The following HECW2 variants were observed in gnomAD, a reference collection of about 807,000 sequenced individuals.
HECW2 encodes the protein HECT, C2 and WW domain containing E3 ubiquitin protein ligase 2, also known as E3 ubiquitin-protein ligase HECW2.
In HECW2, 61 loss-of-function variants were observed where a neutral mutation model predicts 175.2. The ratio of observed to expected loss-of-function variants is 0.35; its 90% CI spans 0.28 to 0.43. The LOEUF (loss-of-function observed/expected upper bound fraction) is 0.43, where lower values mean the gene tolerates loss of function less well. HECW2 is among the 20% of genes least tolerant of loss of function. The pLI is 1.00. For missense variants in HECW2, 1,524 were observed against 2,000.5 expected (o/e 0.76, Z 4.54); for synonymous variants, 671 against 731.0 (o/e 0.92, Z 1.32).
intron 10 of HECW2, among the ~76,000 whole-genome samples, chr2:196,313,706 T>C (rs1373553888): frequency 6.6e-6 from 1 of 151,850 alleles, no homozygotes; most frequent in Admixed American, 6.6e-5. Context: ...GAAAATATGA[T>C]GAAAAGGTGC....
At chr2:196,223,854 A>G (rs1331660672) in intron 23 of HECW2, among the ~76,000 whole-genome samples, 1 of 152,178 alleles carries the variant, frequency 6.6e-6, no homozygotes, top group Non-Finnish European at 1.5e-5. Flanking sequence ...AAGGTTGGAG[A>G]GAAGAAGATG....
intron 6 of HECW2, among the ~76,000 whole-genome samples, 197 bp downstream of exon 6, chr2:196,324,783 T>C (rs911977169): frequency 1.3e-5 from 2 of 152,204 alleles, no homozygotes; most frequent in South Asian, 2.1e-4. Context: ...ATTGTTCCCC[T>C]GATGTGACAG....
intron 1 of HECW2, chr2:196,586,724 A>G (rs1160443980): frequency 2.2e-5 from 3 of 137,662 alleles, no homozygotes; most frequent in African/African-American, 8.1e-5. Flanking sequence ...TTCCACTCTC[A>G]TGAATAATGG....
chr2:196,534,866 A>T (rs2125457047), intron 1 of HECW2, among the ~76,000 whole-genome samples: 1 of 152,252 alleles, frequency 6.6e-6, no homozygotes, highest in African/African-American at 2.4e-5. Flanking sequence ...CTGCAAGTCC[A>T]AGATACCAAA....
chr2:196,287,236 A>G (rs1434399193), intron 14 of HECW2, among the ~76,000 whole-genome samples: 2 of 152,244 alleles, frequency 1.3e-5, no homozygotes, highest in Non-Finnish European at 2.9e-5. Context: ...AAGCTTGGAC[A>G]TAGCAATGGA....
In HECW2 at chr2:196,319,029, T is replaced by C; in HGVS notation, c.1861A>G (p.Arg621Gly). 6.2e-7 allele frequency: 1 copy of C among 1,613,944 alleles called. No homozygotes were observed. The highest frequency in any genetic ancestry group is 8.5e-7 in the Non-Finnish European group (1 of 1,179,948). ...SSETEPSDPA[R>G]TESVSEASTR... ...CTGGCTTCGCTCACACTCTCTGTCC[T>C]GGCAGGATCACTGGGTTCTGTTTCA... The change falls in exon 9 of 29, where the codon AGG becomes GGG. Residue 621 changes from arginine to glycine, a missense_variant. Physicochemically the swap from Arg to Gly is moderately radical, Grantham distance 125. Coordinates refer to ENST00000644978, the MANE Select transcript of HECW2 (RefSeq NM_001348768.2).
chr2:196,347,465 A>G (rs574819057), intron 2 of HECW2, among the ~76,000 whole-genome samples: 1 of 151,920 alleles, frequency 6.6e-6, no homozygotes, highest in East Asian at 1.9e-4. Flanking sequence ...GCCTGCCTCA[A>G]CCTCTGAAAC....
intron 21 of HECW2, among the ~76,000 whole-genome samples, chr2:196,234,208 ATTTC>A (rs1475355420): frequency 6.6e-6 from 1 of 151,704 alleles, no homozygotes; most frequent in Non-Finnish European, 1.5e-5. Flanking sequence ...GCAGGCCACT[ATTTC>A]TTTAATGTTT....
At chr2:196,369,682 T>C (rs1044951887) in intron 2 of HECW2, among the ~76,000 whole-genome samples, 1 of 152,094 alleles carries the variant, frequency 6.6e-6, no homozygotes, top group Non-Finnish European at 1.5e-5. Flanking sequence ...TAGGAAACCT[T>C]AGGAATATAC....
At chr2:196,318,458 C>A in intron 9 of HECW2, 94 bp downstream of exon 9, 2 of 1,331,076 alleles carry the variant, frequency 1.5e-6, no homozygotes, top group South Asian at 5.1e-5. Context: ...TCATATGTAA[C>A]CTGCAGCCTT....
intron 14 of HECW2, among the ~76,000 whole-genome samples, chr2:196,281,094 A>T (rs572929301): frequency 1.3e-5 from 2 of 152,314 alleles, no homozygotes; most frequent in East Asian, 3.9e-4. Context: ...CATGTAGGTC[A>T]ACTATGATTT....
chr2:196,584,032 C>T (rs1159811212), intron 1 of HECW2, among the ~76,000 whole-genome samples: 1 of 151,994 alleles, frequency 6.6e-6, no homozygotes, highest in Non-Finnish European at 1.5e-5. Flanking sequence ...AAGATACTTA[C>T]TCCACCCTTA....
chr2:196,395,272 G>A (rs931847846), intron 2 of HECW2, among the ~76,000 whole-genome samples: 4 of 151,906 alleles, frequency 2.6e-5, no homozygotes, highest in South Asian at 4.2e-4. Context: ...GAAAACATAC[G>A]GTAAAAGCTT....
intron 18 of HECW2, among the ~76,000 whole-genome samples, chr2:196,256,711 C>CT (rs1262147301): frequency 6.6e-6 from 1 of 152,170 alleles, no homozygotes; most frequent in Non-Finnish European, 1.5e-5. Context: ...ACATCACACT[C>CT]TAACGTTAAT....
At chr2:196,224,574 G>A (rs995443229) in intron 23 of HECW2, among the ~76,000 whole-genome samples, 5 of 152,146 alleles carry the variant, frequency 3.3e-5, no homozygotes, top group Non-Finnish European at 7.4e-5. Flanking sequence ...TGCCAGCTCT[G>A]AAGGAAAGAC....
chr2:196,234,279 GT>G (rs369225517), intron 21 of HECW2, among the ~76,000 whole-genome samples: 1,929 of 142,350 alleles, frequency 0.014, 38 homozygotes, highest in African/African-American at 0.044. Flanking sequence ...GTCTAATCCA[GT>G]TTTTTTTTTT....
intron 13 of HECW2, among the ~76,000 whole-genome samples, chr2:196,293,433 T>C (rs1690681705): frequency 1.3e-5 from 2 of 152,222 alleles, no homozygotes; most frequent in Non-Finnish European, 2.9e-5. Context: ...TCCATGTCTT[T>C]GCTATTGTGA....
At chr2:196,237,734 C>G (rs1688306569) in intron 21 of HECW2, among the ~76,000 whole-genome samples, 1 of 152,112 alleles carries the variant, frequency 6.6e-6, no homozygotes, top group African/African-American at 2.4e-5. Context: ...AATCAATAGC[C>G]TTGTATTTAT....
intron 1 of HECW2, among the ~76,000 whole-genome samples, chr2:196,540,684 A>G (rs1689179611): frequency 6.6e-6 from 1 of 152,116 alleles, no homozygotes; most frequent in African/African-American, 2.4e-5. Context: ...GCCTCAAGCA[A>G]TCCTCCTACT....
Sources: allele counts gnomAD v4.1 joint callset (sites outside exome capture counted in the v4.1 genomes callset), GRCh38; gene constraint gnomAD v4.1.1; transcripts MANE v1.5; gene names NCBI Gene and HGNC (gene_info 2026-07-23, HGNC 2026-07-21).